The following DNAH10 variants were observed in gnomAD, a reference collection of about 807,000 sequenced individuals.
DNAH10 encodes the protein axonemal beta dynein heavy chain 10.
DNAH10 carries 348 observed loss-of-function variants against 506.6 expected under a neutral mutation model. The ratio of observed to expected loss-of-function variants is 0.69; its 90% CI spans 0.63 to 0.75. DNAH10 has a LOEUF of 0.75. DNAH10 is among the 30% of genes least tolerant of loss of function. The pLI is 0.00. For missense variants in DNAH10, 5,179 were observed against 5,787.1 expected (o/e 0.89, Z 3.41); for synonymous variants, 2,059 against 2,198.6 (o/e 0.94, Z 1.78).
intron 4 of DNAH10, among the ~76,000 whole-genome samples, chr12:123,773,260 T>C (rs1162367164): frequency 2.0e-5 from 3 of 152,250 alleles, no homozygotes; most frequent in African/African-American, 4.8e-5. Flanking sequence ...CCCAGTTAGA[T>C]CAAGGGAAGA....
rs7964737 is a variant in DNAH10 at position 123,907,672 on chromosome 12, C to G, written c.9816-1589C>G. On this transcript the variant is annotated intron_variant, in intron 57 of 78. Coordinates refer to ENST00000673944, the MANE Select transcript of DNAH10 (RefSeq NM_001372106.1). The surrounding 1 kb of genome is among the most constrained non-coding windows in gnomAD (Gnocchi z 4.4). ...TCCTAACTTGCCCAAGGGCTCAGGACCCCGCCGCAGGCCTGGGCTCCTTCT... is the reference window on the plus strand; with the variant it reads ...TCCTAACTTGCCCAAGGGCTCAGGAGCCCGCCGCAGGCCTGGGCTCCTTCT... Among the ~76,000 whole-genome samples the G allele has an allele frequency of 0.011, 1,609 of 152,318 alleles. 29 individuals are homozygous for G. The highest frequency in any genetic ancestry group is 0.031 in the African/African-American group (1,301 of 41,558).
intron 43 of DNAH10, 124 bp from the exon 44 acceptor site, chr12:123,870,242 T>A: frequency 7.8e-7 from 1 of 1,279,936 alleles, no homozygotes. Flanking sequence ...AGGAGCAGCA[T>A]TGAAGTACTC....
intron 50 of DNAH10, among the ~76,000 whole-genome samples, chr12:123,880,858 T>A (rs1409131167): frequency 2.9e-5 from 4 of 136,950 alleles, no homozygotes; most frequent in Admixed American, 1.6e-4. Flanking sequence ...TGTCCATGTG[T>A]TCTCATTGTT....
In DNAH10 at chr12:123,788,716, C is replaced by G. The variant is rs114698093; in HGVS notation, c.1620+714C>G. Reference sequence around the variant, plus strand: ...GCTGGGGTGGGAGGATCCCTTGAACCCAGGAATTTGAGACTGGCCTGGGCA... The same window carrying G: ...GCTGGGGTGGGAGGATCCCTTGAACGCAGGAATTTGAGACTGGCCTGGGCA... On this transcript the variant is annotated intron_variant, in intron 10 of 78. Coordinates refer to ENST00000673944, the MANE Select transcript of DNAH10 (RefSeq NM_001372106.1). Among the ~76,000 whole-genome samples the G allele has an allele frequency of 6.6e-3, 997 of 151,390 alleles. 19 individuals are homozygous for G. Among genetic ancestry groups the G allele is most frequent in the African/African-American group, 0.023 (929 of 41,248 alleles).
Position 123,762,373 on chromosome 12 carries a change from G to A in DNAH10, c.37G>A (p.Val13Met). 1.5e-6 allele frequency: 2 copies of A among 1,372,814 alleles called. No individual in the cohort carries two copies. Among genetic ancestry groups the A allele is most frequent in the Middle Eastern group, 1.9e-4 (1 of 5,258 alleles). The allele number at this position is 1,372,814 out of a possible 1,614,324, so 85.0% of individuals were successfully genotyped here. Residue 13 changes from valine (V) to methionine (M), a missense_variant, in exon 1 of 79, where the codon GTG becomes ATG. By Grantham distance (21) the Val-to-Met change is conservative. Around this residue, in one of 3 missense-constraint regions of DNAH10, gnomAD observed 326 missense variants for 330.8 expected, o/e 0.99. Coordinates refer to ENST00000673944, the MANE Select transcript of DNAH10 (RefSeq NM_001372106.1). The surrounding 1 kb of genome is among the most constrained non-coding windows in gnomAD (Gnocchi z 5.0). ...GCGGGTGCTGTGGATGCGCGACCGC[G>A]TGTATGCGGCTTTCGGCATCACCGA... is the stretch of plus-strand genomic sequence containing the variant. ...DLRVLWMRDR[V>M]YAAFGITDPQ...
chr12:123,879,052 C>T (rs1170048555), intron 48 of DNAH10, among the ~76,000 whole-genome samples: 2 of 152,110 alleles, frequency 1.3e-5, no homozygotes, highest in Non-Finnish European at 2.9e-5. Flanking sequence ...AGATAAGCTA[C>T]GGATGATGAC....
chr12:123,783,653 C>T (rs948236719), intron 7 of DNAH10, among the ~76,000 whole-genome samples: 1 of 152,164 alleles, frequency 6.6e-6, no homozygotes, highest in African/African-American at 2.4e-5. Flanking sequence ...AGTTCTAGAC[C>T]CCTTTCTAGG....
chr12:123,847,516 G>A (rs1951009820), intron 32 of DNAH10, among the ~76,000 whole-genome samples: 1 of 146,184 alleles, frequency 6.8e-6, no homozygotes, highest in Non-Finnish European at 1.5e-5. Context: ...GTCTGGGTCT[G>A]AGGGCCTGAG....
In DNAH10 at chr12:123,914,383, C is replaced by G. The variant is rs988510783; in HGVS notation, c.10407C>G (p.Asp3469Glu). Residue 3469 changes from aspartate to glutamate, a missense_variant, in exon 61 of 79, where the codon GAC (aspartate) becomes GAG (glutamate). Physicochemically the swap from Asp to Glu is conservative, Grantham distance 45. Coordinates refer to ENST00000673944, the MANE Select transcript of DNAH10 (RefSeq NM_001372106.1). ...ACCGGCGCGTGAAGCTGCTGGGGGA[C>G]TGCCTGCTCTGCGCGGCTTTCCTCA... The part of the protein sequence containing the change: ...LMHRRVKLLG[D>E]CLLCAAFLSY... 24 of 1,613,404 alleles carry G rather than the reference C, an allele frequency of 1.5e-5. No homozygotes were observed. The highest frequency in any genetic ancestry group is 1.9e-5 in the Non-Finnish European group (22 of 1,179,904).
Position 123,853,483 on chromosome 12 carries a change from C to A in DNAH10, c.6438+131C>A, listed in dbSNP as rs556794523. On this transcript the variant is annotated intron_variant, in intron 36 of 78. Coordinates refer to ENST00000673944, the MANE Select transcript of DNAH10 (RefSeq NM_001372106.1). The surrounding 1 kb of genome is among the most constrained non-coding windows in gnomAD (Gnocchi z 4.7). ...AAGTCTTAGCTGCCTCTTCACCCCG[C>A]GGTCTGGCCTTACTTTGGCCTCTTA... 3 of 1,227,002 alleles carry A rather than the reference C, an allele frequency of 2.4e-6. No homozygotes were observed. The highest frequency in any genetic ancestry group is 1.1e-6 in the Non-Finnish European group (1 of 922,788). 76.0% of individuals were successfully genotyped at this position (1,227,002 alleles called of 1,614,324 possible).
In DNAH10 at chr12:123,917,788, AG is replaced by A. The variant is rs1455924607; in HGVS notation, c.11209del (p.Glu3737ArgfsTer50). The A allele has an allele frequency of 6.3e-7, 1 of 1,574,960 alleles. No individual in the cohort carries two copies. Among genetic ancestry groups the A allele is most frequent in the Admixed American group, 1.8e-5 (1 of 54,284 alleles). On this transcript the variant is annotated frameshift_variant, in exon 64 of 79. Transcript: ENST00000673944. LOFTEE classifies it high-confidence loss of function. The surrounding 1 kb of genome is among the most constrained non-coding windows in gnomAD (Gnocchi z 5.6). ...LDNVDLVHTL[E>X]ETKSKATEVS... ...AATGTGGACCTGGTGCACACCCTGG[AG>A]GAGACCAAATCCAAGGCAACAGAGG...
At chr12:123,892,423 A>T (rs1399904071) in intron 52 of DNAH10, among the ~76,000 whole-genome samples, 1 of 152,218 alleles carries the variant, frequency 6.6e-6, no homozygotes, top group African/African-American at 2.4e-5. Flanking sequence ...TAAACCATCC[A>T]TGAGAGATCT....
rs762559885 is a variant in DNAH10, at chr12:123,898,715, G to A, written c.9541G>A (p.Glu3181Lys). 1.1e-5 allele frequency: 18 copies of A among 1,605,568 alleles called. No individual in the cohort carries two copies. In the South Asian group the frequency reaches 1.2e-4, roughly 11 times the overall value. ...GAAGGAGGCCACCATCCAGCTGGAC[G>A]AGCTGAACCAGAAGCTGGCCGAGCA... is the stretch of plus-strand genomic sequence containing the variant. The part of the protein sequence containing the change: ...KLKEATIQLD[E>K]LNQKLAEQKI... Residue 3181 changes from glutamate to lysine, a missense_variant, in exon 56 of 79, where the codon GAG becomes AAG. Coordinates refer to ENST00000673944, the MANE Select transcript of DNAH10 (RefSeq NM_001372106.1).
chr12:123,832,497 A>G (rs749982952), intron 26 of DNAH10, among the ~76,000 whole-genome samples: 2 of 152,076 alleles, frequency 1.3e-5, no homozygotes, highest in Non-Finnish European at 2.9e-5. Context: ...ACACATATAC[A>G]TATGTATCAA....
intron 48 of DNAH10, among the ~76,000 whole-genome samples, chr12:123,878,731 TACAAAA>T (rs1313100101): frequency 2.6e-5 from 4 of 152,100 alleles, no homozygotes; most frequent in African/African-American, 9.7e-5. Flanking sequence ...ACTCCATCTC[TACAAAA>T]AAATTTAAAA....
rs1362914781 is a variant in DNAH10 at position 123,929,364 on chromosome 12, C to T, written c.12396C>T (p.His4132=). 6.2e-7 allele frequency: 1 copy of T among 1,611,642 alleles called. No homozygotes were observed. The highest frequency in any genetic ancestry group is 8.5e-7 in the Non-Finnish European group (1 of 1,178,936). Residue 4132 remains histidine, a synonymous_variant, in exon 71 of 79, where the codon CAC becomes CAT. Coordinates refer to ENST00000673944, the MANE Select transcript of DNAH10 (RefSeq NM_001372106.1). ...ACGAAATGCTGGACCAGTGCCCGCA[C>T]CCTGCCTTCAAGCCGCTGGTCTACG... is the stretch of plus-strand genomic sequence containing the variant. The part of the protein sequence containing the change: ...ISHEMLDQCP[H]PAFKPLVYVL...
intron 74 of DNAH10, 66 bp downstream of exon 74, chr12:123,931,538 C>T: frequency 1.2e-6 from 2 of 1,606,002 alleles, no homozygotes; most frequent in Non-Finnish European, 1.7e-6. Flanking sequence ...TTGTAGCCCT[C>T]CCACGTTGCT....
At position 123,917,259 on chromosome 12, in the gene DNAH10, T is replaced by C. The variant is rs1954523305; in HGVS notation, c.11003-325T>C. Among the ~76,000 whole-genome samples, 1 of 152,184 alleles carries C rather than the reference T, an allele frequency of 6.6e-6. No individual in the cohort carries two copies. Among genetic ancestry groups the C allele is most frequent in the African/African-American group, 2.4e-5 (1 of 41,438 alleles). On this transcript the variant is annotated intron_variant, in intron 63 of 78. Coordinates refer to ENST00000673944, the MANE Select transcript of DNAH10 (RefSeq NM_001372106.1). The surrounding 1 kb of genome is among the most constrained non-coding windows in gnomAD (Gnocchi z 5.6). ...TGGGCTCAAGTGATCCTCCTGCCTC[T>C]GCCTCCCAAAGTGCTGGGATTACAG...
chr12:123,781,535 G>A (rs537258241), intron 6 of DNAH10, among the ~76,000 whole-genome samples: 1 of 151,574 alleles, frequency 6.6e-6, no homozygotes, highest in Non-Finnish European at 1.5e-5. Context: ...GTGAGATCTC[G>A]GTTCACTGCA....
Sources: allele counts gnomAD v4.1 joint callset (sites outside exome capture counted in the v4.1 genomes callset), GRCh38; gene constraint gnomAD v4.1.1; regional missense constraint gnomAD v4.1.1; non-coding constraint Gnocchi (gnomAD v3.1); transcripts MANE v1.5; gene names NCBI Gene and HGNC (gene_info 2026-07-23, HGNC 2026-07-21).